The following TNFRSF21 variants were observed in gnomAD, a reference collection of about 807,000 sequenced individuals.
TNFRSF21 encodes tumor necrosis factor receptor superfamily member 21.
TNFRSF21 carries 19 observed loss-of-function variants against 45.6 expected under a neutral mutation model. The ratio of observed to expected loss-of-function variants is 0.42; its 90% CI spans 0.29 to 0.61. The LOEUF (loss-of-function observed/expected upper bound fraction) is 0.61. Among genes scored for constraint, TNFRSF21 ranks in the 20% least tolerant of loss-of-function variants. TNFRSF21 has a pLI of 0.23. For synonymous variants in TNFRSF21, 314 were observed against 335.5 expected, an observed-to-expected ratio of 0.94 and a Z score of 0.70; for missense variants, 737 against 851.5, an observed-to-expected ratio of 0.87 and a Z score of 1.67.
chr6:47,247,813 G>A lies in TNFRSF21; in HGVS notation c.1509+5443C>T, dbSNP rs544779865. Among the ~76,000 whole-genome samples the A allele has an allele frequency of 5.3e-5, 8 of 152,290 alleles. No homozygotes were observed. The South Asian group carries it at 1.7e-3, about 32-fold the overall frequency. ...CAAATGCTCTGTTCCTGAGACATAG[G>A]TCCCCTATGTGGTTCTGGAAAGGAC... is the stretch of plus-strand genomic sequence containing the variant. On this transcript the variant is annotated intron_variant, in intron 4 of 5. Coordinates refer to ENST00000296861, the MANE Select transcript of TNFRSF21 (RefSeq NM_014452.5).
chr6:47,233,047 G>A (rs1465936820), intron 5 of TNFRSF21, 53 bp from the exon 6 acceptor site: 1 of 1,564,906 alleles, frequency 6.4e-7, no homozygotes, highest in Non-Finnish European at 8.8e-7. Flanking sequence ...GTACTGGCAA[G>A]GCCTGGAGGA....
chr6:47,232,074 T>G lies in TNFRSF21; in HGVS notation c.*691A>C, dbSNP rs1313980646. ...TAAGAAGAGTACAAGTAATCAAGCA[T>G]TCTACACGGTGTCCAGGTGAAAACC... On this transcript the variant is annotated 3_prime_UTR_variant, in exon 6 of 6. Coordinates refer to ENST00000296861, the MANE Select transcript of TNFRSF21 (RefSeq NM_014452.5). The G allele has an allele frequency of 6.6e-6, 1 of 152,428 alleles. No individual in the cohort carries two copies. The highest frequency in any genetic ancestry group is 1.5e-5 in the Non-Finnish European group (1 of 68,044). 9.4% of individuals were successfully genotyped at this position (152,428 alleles called of 1,614,324 possible). A position where few individuals can be genotyped will look rare whatever the true frequency, so the allele number is the denominator to read the frequency against.
Position 47,238,134 on chromosome 6 carries a change from T to A in TNFRSF21, c.1510-3236A>T, listed in dbSNP as rs533396029. Among the ~76,000 whole-genome samples, 4 of 152,380 alleles carry A rather than the reference T, an allele frequency of 2.6e-5. No individual in the cohort carries two copies. In the South Asian group the frequency reaches 6.2e-4, roughly 24 times the overall value. On this transcript the variant is annotated intron_variant, in intron 4 of 5. Coordinates refer to ENST00000296861, the MANE Select transcript of TNFRSF21 (RefSeq NM_014452.5). ...TGTTTTTAAAAGCAGTCACTACCGA[T>A]AAGTATATTTTCCTTCTGCTACCTT...
intron 3 of TNFRSF21, among the ~76,000 whole-genome samples, chr6:47,269,246 C>A (rs1244538127): frequency 6.6e-6 from 1 of 152,012 alleles, no homozygotes; most frequent in Non-Finnish European, 1.5e-5. Context: ...CACAAACACA[C>A]ACACACACAC....
chr6:47,269,849 C>CCTT (rs1474083050), intron 3 of TNFRSF21, among the ~76,000 whole-genome samples: 2 of 152,184 alleles, frequency 1.3e-5, no homozygotes, highest in Non-Finnish European at 2.9e-5. Context: ...CCTGGAAAGC[C>CCTT]ACCTTCTTCC....
At chr6:47,269,068 C>T (rs552609535) in intron 3 of TNFRSF21, among the ~76,000 whole-genome samples, 1 of 152,092 alleles carries the variant, frequency 6.6e-6, no homozygotes, top group Non-Finnish European at 1.5e-5. Context: ...CAGGCCTTGG[C>T]TTCCCTCTAA....
At chr6:47,294,958 T>A (rs1307446408) in intron 1 of TNFRSF21, among the ~76,000 whole-genome samples, 3 of 152,256 alleles carry the variant, frequency 2.0e-5, no homozygotes, top group Non-Finnish European at 4.4e-5. Context: ...ATGTGGAAAA[T>A]TTCATTTATC....
intron 1 of TNFRSF21, among the ~76,000 whole-genome samples, chr6:47,297,759 G>C (rs1170421861): frequency 6.6e-6 from 1 of 152,098 alleles, no homozygotes; most frequent in African/African-American, 2.4e-5. Context: ...CTGGCCTCAA[G>C]TGATCCGCCT....
At chr6:47,300,563 C>T (rs1762848959) in intron 1 of TNFRSF21, among the ~76,000 whole-genome samples, 1 of 152,152 alleles carries the variant, frequency 6.6e-6, no homozygotes, top group Non-Finnish European at 1.5e-5. Flanking sequence ...CTTCCCACTG[C>T]ACTCTGAGTG....
rs934878191 is a variant in TNFRSF21 at position 47,286,691 on chromosome 6, T to C, written c.97-96A>G. 5 of 1,296,338 alleles carry C rather than the reference T, an allele frequency of 3.9e-6. No homozygotes were observed. The African/African-American group carries it at 7.4e-5, about 19-fold the overall frequency. The allele number at this position is 1,296,338 out of a possible 1,614,324, so 80.3% of individuals were successfully genotyped here. On this transcript the variant is annotated intron_variant, in intron 1 of 5. Coordinates refer to ENST00000296861, the MANE Select transcript of TNFRSF21 (RefSeq NM_014452.5). ...AGGGCCAACAATTCCAGCACCACCA[T>C]CATCATTCCTGTTAAAGATCCGACC...
In TNFRSF21 at chr6:47,309,504, G is replaced by C; in HGVS notation, c.8C>G (p.Thr3Ser). The C allele has an allele frequency of 6.7e-7, 1 of 1,503,194 alleles. No individual in the cohort carries two copies. The highest frequency in any genetic ancestry group is 8.8e-7 in the Non-Finnish European group (1 of 1,134,434). 93.1% of individuals were successfully genotyped at this position (1,503,194 alleles called of 1,614,324 possible). Residue 3 changes from threonine to serine, a missense_variant, in exon 1 of 6, where the codon ACC becomes AGC. Transcript: ENST00000296861. MG[T>S]SPSSSTALAS... is the part of the protein sequence containing the mutation. Reference sequence around the variant, plus strand: ...GAGGGCGGTGCTGCTGCTCGGAGAGGTCCCCATGGCTGAACCGGGGACTCG... The same window carrying C: ...GAGGGCGGTGCTGCTGCTCGGAGAGCTCCCCATGGCTGAACCGGGGACTCG...
intron 3 of TNFRSF21, among the ~76,000 whole-genome samples, chr6:47,255,866 G>A (rs780555625): frequency 1.3e-5 from 2 of 152,000 alleles, no homozygotes; most frequent in African/African-American, 4.8e-5. Flanking sequence ...AAAAAAAATA[G>A]GGTCACATTC....
intron 1 of TNFRSF21, among the ~76,000 whole-genome samples, chr6:47,300,652 C>G (rs892092161): frequency 2.0e-5 from 3 of 152,152 alleles, no homozygotes; most frequent in African/African-American, 7.2e-5. Context: ...TCCCCATTCA[C>G]TGAGCAGCAA....
At chr6:47,248,966 CTA>C (rs1158601472) in intron 4 of TNFRSF21, among the ~76,000 whole-genome samples, 1 of 152,196 alleles carries the variant, frequency 6.6e-6, no homozygotes, top group Admixed American at 6.5e-5. Context: ...CATGTTGTTC[CTA>C]TTGTCTCATG....
Position 47,273,049 on chromosome 6 carries a change from G to T in TNFRSF21, c.1243+10889C>A, listed in dbSNP as rs528994226. Among the ~76,000 whole-genome samples, 3 of 152,222 alleles carry T rather than the reference G, an allele frequency of 2.0e-5. 1 individual carries two copies. In the East Asian group the frequency reaches 5.8e-4, roughly 29 times the overall value. On this transcript the variant is annotated intron_variant, in intron 3 of 5. Coordinates refer to ENST00000296861, the MANE Select transcript of TNFRSF21 (RefSeq NM_014452.5). The stretch of plus-strand genomic sequence containing the variant: ...AGCCTACCCACCAAAAAATGTCCAG[G>T]ACCAGATGGATTCACAGCCAAATTC...
At chr6:47,293,820 C>T (rs1333042824) in intron 1 of TNFRSF21, among the ~76,000 whole-genome samples, 2 of 152,178 alleles carry the variant, frequency 1.3e-5, no homozygotes, top group African/African-American at 4.8e-5. Flanking sequence ...CATCCCTGAC[C>T]ACCTCTCCAC....
At chr6:47,248,712 G>A (rs1360699619) in intron 4 of TNFRSF21, among the ~76,000 whole-genome samples, 3 of 152,148 alleles carry the variant, frequency 2.0e-5, no homozygotes, top group African/African-American at 4.8e-5. Context: ...CTTCCTGCTC[G>A]GCCACCTGCT....
intron 3 of TNFRSF21, among the ~76,000 whole-genome samples, chr6:47,265,488 C>A (rs756948884): frequency 1.1e-4 from 17 of 152,132 alleles, no homozygotes; most frequent in Non-Finnish European, 1.9e-4. Context: ...GGGACAGTGT[C>A]TAGCATCAGA....
At chr6:47,245,179 A>G (rs948382576) in intron 4 of TNFRSF21, among the ~76,000 whole-genome samples, 3 of 152,126 alleles carry the variant, frequency 2.0e-5, no homozygotes, top group Non-Finnish European at 2.9e-5. Context: ...TCAGAAAAAA[A>G]TTAAAGCCCA....
Sources: gnomAD v4.1 joint callset for allele counts (sites outside exome capture counted in the v4.1 genomes callset) on GRCh38, gnomAD v4.1.1 for gene constraint, MANE v1.5 for transcripts, NCBI Gene and HGNC (gene_info 2026-07-23, HGNC 2026-07-21) for gene names.